SYT2: variants seen among roughly 807,000 people sequenced by gnomAD.
SYT2 encodes the protein synaptotagmin-2.
SYT2 carries 15 observed loss-of-function variants against 39.9 expected under a neutral mutation model. The observed-to-expected ratio is 0.38, with a 90% CI of 0.25 to 0.58. The LOEUF is 0.58. SYT2 is among the 20% of genes least tolerant of loss of function. The pLI is 0.70. For missense variants in SYT2, 389 were observed against 530.3 expected (o/e 0.73, Z 2.62); for synonymous variants, 181 against 204.5 (o/e 0.89, Z 0.98).
intron 1 of SYT2, among the ~76,000 whole-genome samples, chr1:202,679,693 T>C (rs1013327767): frequency 1.3e-5 from 2 of 152,224 alleles, no homozygotes; most frequent in Non-Finnish European, 2.9e-5. Context: ...GTCACATGTC[T>C]GCCAGAGTGA....
chr1:202,602,246 G>C, intron 5 of SYT2, 132 bp downstream of exon 5: 1 of 1,233,096 alleles, frequency 8.1e-7, no homozygotes, highest in Non-Finnish European at 1.2e-6. Context: ...ATAGAGGCCG[G>C]GGTAGCCCTG....
At chr1:202,709,031 G>A (rs1413114872) in intron 1 of SYT2, among the ~76,000 whole-genome samples, 1 of 152,212 alleles carries the variant, frequency 6.6e-6, no homozygotes, top group Non-Finnish European at 1.5e-5. Context: ...AGCAGTAGGG[G>A]AGGGAGAAGG....
chr1:202,615,977 A>T (rs1235953340), intron 1 of SYT2, among the ~76,000 whole-genome samples: 1 of 151,970 alleles, frequency 6.6e-6, no homozygotes, highest in East Asian at 1.9e-4. Flanking sequence ...CTCCTTCTCC[A>T]TGGCTACCCC....
chr1:202,698,773 C>T (rs1040756702), intron 1 of SYT2, among the ~76,000 whole-genome samples: 5 of 152,176 alleles, frequency 3.3e-5, no homozygotes, highest in South Asian at 2.1e-4. Flanking sequence ...GAAAGAACTT[C>T]CTCACTCTTA....
intron 1 of SYT2, among the ~76,000 whole-genome samples, chr1:202,644,627 T>A (rs1692037130): frequency 6.6e-6 from 1 of 151,938 alleles, no homozygotes; most frequent in Admixed American, 6.5e-5. Flanking sequence ...TGCCTTCCAC[T>A]CTGCACACTC....
chr1:202,599,653 G>A lies in SYT2; in HGVS notation c.920-302C>T, dbSNP rs1470360304. ...TTCATCTGTGATCCTGTACTGGGGA[G>A]TGGGTGGGGAGTGCTGAAGTCAGGA... On this transcript the variant is annotated intron_variant, in intron 7 of 8. Coordinates refer to ENST00000367268, the MANE Select transcript of SYT2 (RefSeq NM_177402.5). This position sits in a 1 kb window ranked among gnomAD's most constrained non-coding sequence, Gnocchi z 4.4. Among the ~76,000 whole-genome samples, 1 of 152,190 alleles carries A rather than the reference G, an allele frequency of 6.6e-6. No homozygotes were observed. The highest frequency in any genetic ancestry group is 2.4e-5 in the African/African-American group (1 of 41,444).
At chr1:202,597,345 A>G (rs536121585) in intron 8 of SYT2, among the ~76,000 whole-genome samples, 1 of 152,192 alleles carries the variant, frequency 6.6e-6, no homozygotes, top group South Asian at 2.1e-4. Flanking sequence ...GGTACTGTGG[A>G]AACTTAGAGG....
At chr1:202,619,109 T>C (rs577421245) in intron 1 of SYT2, among the ~76,000 whole-genome samples, 4 of 152,242 alleles carry the variant, frequency 2.6e-5, no homozygotes, top group East Asian at 1.9e-4. Context: ...GCAGGGCTCC[T>C]ATGGCTGGGG....
chr1:202,675,296 A>G (rs948295485), intron 1 of SYT2, among the ~76,000 whole-genome samples: 2 of 151,820 alleles, frequency 1.3e-5, no homozygotes, highest in East Asian at 3.8e-4. Flanking sequence ...TGCCAAACAC[A>G]CTAATAGGCC....
intron 1 of SYT2, among the ~76,000 whole-genome samples, chr1:202,657,620 G>A (rs1235502757): frequency 6.6e-6 from 1 of 152,096 alleles, no homozygotes; most frequent in African/African-American, 2.4e-5. Context: ...TAGGGACCCT[G>A]GCTCCTGGGG....
At chr1:202,610,349 A>G (rs1362453347) in intron 1 of SYT2, among the ~76,000 whole-genome samples, 2 of 152,164 alleles carry the variant, frequency 1.3e-5, no homozygotes, top group Admixed American at 6.6e-5. Flanking sequence ...ATCTATGACA[A>G]ACCCACAGCC....
intron 1 of SYT2, among the ~76,000 whole-genome samples, chr1:202,634,133 A>T (rs1330953103): frequency 6.6e-6 from 1 of 152,260 alleles, no homozygotes; most frequent in Non-Finnish European, 1.5e-5. Flanking sequence ...TCATAATAGT[A>T]CCTACCTTGT....
At chr1:202,650,615 T>C (rs1385308751) in intron 1 of SYT2, among the ~76,000 whole-genome samples, 1 of 152,142 alleles carries the variant, frequency 6.6e-6, no homozygotes, top group South Asian at 2.1e-4. Context: ...TATGTTTTTA[T>C]TGAATACATA....
At chr1:202,679,415 T>G (rs1200511282) in intron 1 of SYT2, among the ~76,000 whole-genome samples, 3 of 152,226 alleles carry the variant, frequency 2.0e-5, no homozygotes. Flanking sequence ...GGCCCAGTCT[T>G]GCTCCTATAT....
At chr1:202,703,103 G>A (rs994776671) in intron 1 of SYT2, among the ~76,000 whole-genome samples, 5 of 152,220 alleles carry the variant, frequency 3.3e-5, no homozygotes, top group African/African-American at 1.2e-4. Flanking sequence ...TCAATGGTGA[G>A]GAAAAGAGAT....
rs115541247 is a variant in SYT2 at position 202,687,737 on chromosome 1, C to T, written c.-18+22521G>A. 7.2e-3 allele frequency among the ~76,000 whole-genome samples: 1,090 copies of T among 151,304 alleles called. 15 individuals are homozygous for T. The highest frequency in any genetic ancestry group is 0.025 in the African/African-American group (1,049 of 41,216). The stretch of plus-strand genomic sequence containing the variant: ...TAAATGGTGCAGCCAACAGCATATG[C>T]GGCTCAGACCGGGGGGATCAAGGAT... On this transcript the variant is annotated intron_variant, in intron 1 of 8. Transcript: ENST00000367268.
chr1:202,596,908 G>A lies in SYT2; in HGVS notation c.1109C>T (p.Ala370Val). ...LDYDKLGKNE[A>V]IGKIFVGSNA... Reference sequence around the variant, plus strand: ...GCTGCCCACGAAGATCTTGCCTATGGCTTCGTTCTTGCCCAGCTTGTCATA... The same window carrying A: ...GCTGCCCACGAAGATCTTGCCTATGACTTCGTTCTTGCCCAGCTTGTCATA... The change falls in exon 9 of 9, where the codon GCC (alanine) becomes GTC (valine). Residue 370 changes from alanine to valine, a missense_variant. Ala to Val is a moderately conservative substitution (Grantham distance 64). This residue lies in a region of SYT2 where 84 missense variants were observed against 123.1 expected (regional missense o/e 0.68). Transcript: ENST00000367268. The A allele has an allele frequency of 6.2e-7, 1 of 1,614,214 alleles. No individual in the cohort carries two copies. The highest frequency in any genetic ancestry group is 1.1e-5 in the South Asian group (1 of 91,088).
chr1:202,643,954 G>A (rs1384697677), intron 1 of SYT2, among the ~76,000 whole-genome samples: 9 of 152,228 alleles, frequency 5.9e-5, no homozygotes, highest in African/African-American at 1.9e-4. Context: ...GTAGGGAATG[G>A]CCTGCGGGCA....
chr1:202,698,825 T>G (rs184593183), intron 1 of SYT2, among the ~76,000 whole-genome samples: 1 of 152,158 alleles, frequency 6.6e-6, no homozygotes, highest in Admixed American at 6.5e-5. Context: ...TCCTAGAGAT[T>G]GTACTTTCCA....
Sources: allele counts gnomAD v4.1 joint callset (sites outside exome capture counted in the v4.1 genomes callset), GRCh38; gene constraint gnomAD v4.1.1; regional missense constraint gnomAD v4.1.1; non-coding constraint Gnocchi (gnomAD v3.1); transcripts MANE v1.5; gene names NCBI Gene and HGNC (gene_info 2026-07-23, HGNC 2026-07-21).